Variants in TYMP observed in about 807,000 individuals in gnomAD.
The protein encoded by TYMP is gliostatin.
TYMP carries 46 observed loss-of-function variants against 42.3 expected under a neutral mutation model. The observed-to-expected ratio is 1.09, with a 90% confidence interval of 0.86 to 1.39. TYMP has a LOEUF of 1.39. TYMP is among the 40% of genes most tolerant of loss of function. TYMP has a pLI of 0.00. For synonymous variants in TYMP, 363 were observed against 308.0 expected (o/e 1.18, Z -1.87); for missense variants, 837 against 677.6 (o/e 1.24, Z -2.61).
rs776978384 is a variant in TYMP at position 50,526,239 on chromosome 22, C to G, written c.1159+7G>C. The G allele has an allele frequency of 3.9e-6, 6 of 1,533,986 alleles. No individual in the cohort carries two copies. The highest frequency in any genetic ancestry group is 5.2e-6 in the Non-Finnish European group (6 of 1,149,158). On this transcript the variant is annotated splice_region_variant and intron_variant, in intron 8 of 9. Transcript: ENST00000252029. The stretch of plus-strand genomic sequence containing the variant: ...GGCGGAAGGACGGGGACTCCCCCGA[C>G]GCTCACCATCTGCGGGCGCCAGCAG...
chr22:50,525,946 G>A (rs1313414991), intron 9 of TYMP, 28 bp from the exon 10 acceptor site: 2 of 1,421,200 alleles, frequency 1.4e-6, no homozygotes, highest in Admixed American at 3.1e-5. Flanking sequence ...GTTAGAGGCC[G>A]CGCGGCCGGA....
rs2069369455 is a variant in TYMP at position 50,526,266 on chromosome 22, T to C, written c.1139A>G (p.Glu380Gly). The C allele has an allele frequency of 6.5e-7, 1 of 1,538,860 alleles. No individual in the cohort carries two copies. The highest frequency in any genetic ancestry group is 8.7e-7 in the Non-Finnish European group (1 of 1,153,070). Reference sequence around the variant, plus strand: ...CTCACCATCTGCGGGCGCCAGCAGCTCCTCCTGCTCCCGGGCGCGAGGCAG... The same window carrying C: ...CTCACCATCTGCGGGCGCCAGCAGCCCCTCCTGCTCCCGGGCGCGAGGCAG... ...QLLPRAREQE[E>G]LLAPADGTVE... is the part of the protein sequence containing the mutation. The change falls in exon 8 of 10, where the codon GAG becomes GGG. Residue 380 changes from glutamate (E) to glycine (G), a missense_variant. Glu to Gly is a moderately conservative substitution (Grantham distance 98). Transcript: ENST00000252029.
chr22:50,526,804 A>G, intron 6 of TYMP, 66 bp from the exon 7 acceptor site: 1 of 1,494,912 alleles, frequency 6.7e-7, no homozygotes, highest in Non-Finnish European at 9.0e-7. Context: ...TCTTGGTCGA[A>G]CTCCAGCCCC....
At chr22:50,529,804 C>G in intron 1 of TYMP, 85 bp from the exon 2 acceptor site, 4 of 1,182,928 alleles carry the variant, frequency 3.4e-6, no homozygotes, top group Non-Finnish European at 4.7e-6. Context: ...ACCCCTTTCC[C>G]GTGTCTCTCC....
In TYMP at chr22:50,526,474, C is replaced by A. The variant is rs121913040; in HGVS notation, c.931G>T (p.Gly311Cys). Residue 311 changes from glycine to cysteine, a missense_variant and splice_region_variant, in exon 8 of 10, where the codon GGC becomes TGC. Transcript: ENST00000252029. ...TGTCCGCTGAGCCAGAGCAGGGCGCCCCCTGCGGGCGGGGACGGGTCTTAG... is the reference window on the plus strand; with the variant it reads ...TGTCCGCTGAGCCAGAGCAGGGCGCACCCTGCGGGCGGGGACGGGTCTTAG... Reference protein sequence around the residue: ...DLRDLVTTLGGALLWLSGHAG... With the variant: ...DLRDLVTTLGCALLWLSGHAG... The A allele has an allele frequency of 6.7e-7, 1 of 1,491,130 alleles. No individual in the cohort carries two copies. The highest frequency in any genetic ancestry group is 8.9e-7 in the Non-Finnish European group (1 of 1,128,636). 92.4% of individuals were successfully genotyped at this position (1,491,130 alleles called of 1,614,324 possible). A position where few individuals can be genotyped will look rare whatever the true frequency, so the allele number is the denominator to read the frequency against.
At position 50,526,148 on chromosome 22, in the gene TYMP, G is replaced by C. The variant is rs1277942389; in HGVS notation, c.1160-7C>G. 2 of 1,481,756 alleles carry C rather than the reference G, an allele frequency of 1.3e-6. No homozygotes were observed. The highest frequency in any genetic ancestry group is 1.8e-6 in the Non-Finnish European group (2 of 1,122,618). 91.8% of individuals were successfully genotyped at this position (1,481,756 alleles called of 1,614,324 possible). On this transcript the variant is annotated splice_region_variant and splice_polypyrimidine_tract_variant and intron_variant, in intron 8 of 9. Transcript: ENST00000252029. Reference sequence around the variant, plus strand: ...CGGACCAGCTCCACGGTGCCTGCGGGGAGAGGGGCTGAGAGGCGCGGGCTC... The same window carrying C: ...CGGACCAGCTCCACGGTGCCTGCGGCGAGAGGGGCTGAGAGGCGCGGGCTC...
chr22:50,526,014 C>G lies in TYMP; in HGVS notation c.1287G>C (p.Gln429His). The G allele has an allele frequency of 6.8e-7, 1 of 1,466,054 alleles. No individual in the cohort carries two copies. Among genetic ancestry groups the G allele is most frequent in the South Asian group, 1.3e-5 (1 of 76,620 alleles). 90.8% of individuals were successfully genotyped at this position (1,466,054 alleles called of 1,614,324 possible). A position where few individuals can be genotyped will look rare whatever the true frequency, so the allele number is the denominator to read the frequency against. ...GGCGGCGCTCACCACGGCGCAGCCT[C>G]TGACCCACGTCGACCAGCAGCTCTG... is the stretch of plus-strand genomic sequence containing the variant. ...VGAELLVDVG[Q>H]RLRRGTPWLR... Residue 429 changes from glutamine (Q) to histidine (H), a missense_variant, in exon 9 of 10, where the codon CAG becomes CAC. Gln to His is a conservative substitution (Grantham distance 24). Coordinates refer to ENST00000252029, the MANE Select transcript of TYMP (RefSeq NM_001953.5).
intron 3 of TYMP, chr22:50,528,885 G>A (rs2069487392): frequency 3.3e-6 from 2 of 615,100 alleles, no homozygotes; most frequent in African/African-American, 3.7e-5. Context: ...GGGACCCAAG[G>A]GGAAAGGGGT....
At position 50,525,827 on chromosome 22, in the gene TYMP, G is replaced by A. The variant is rs1449253792; in HGVS notation, c.1392C>T (p.Arg464=). Reference sequence around the variant, plus strand: ...AGGGCGAGGGGGCGGCGAATGGCGCGCGGTCGGAGAGTACGAGCGCCTCCT... The same window carrying A: ...AGGGCGAGGGGGCGGCGAATGGCGCACGGTCGGAGAGTACGAGCGCCTCCT... The part of the protein sequence containing the change: ...ALQEALVLSD[R]APFAAPSPFA... Residue 464 remains arginine (R), a synonymous_variant, in exon 10 of 10, where the codon CGC becomes CGT. Coordinates refer to ENST00000252029, the MANE Select transcript of TYMP (RefSeq NM_001953.5). 1 of 1,609,724 alleles carries A rather than the reference G, an allele frequency of 6.2e-7. No individual in the cohort carries two copies. The highest frequency in any genetic ancestry group is 1.3e-5 in the African/African-American group (1 of 74,834).
At chr22:50,528,086 A>G in intron 4 of TYMP, 1 of 388,938 alleles carries the variant, frequency 2.6e-6, no homozygotes, top group South Asian at 2.2e-5. Flanking sequence ...GTCCCGGCTC[A>G]CTGCAGCCTA....
rs1354599581 is a variant in TYMP, at chr22:50,527,814, G to T, written c.517-97C>A. The T allele has an allele frequency of 5.4e-5, 81 of 1,500,272 alleles. No homozygotes were observed. In the South Asian group the frequency reaches 7.6e-4, roughly 14 times the overall value. The allele number at this position is 1,500,272 out of a possible 1,614,324, so 92.9% of individuals were successfully genotyped here. On this transcript the variant is annotated intron_variant, in intron 4 of 9. Transcript: ENST00000252029. ...TTTCTGTGAAGAGTCTTCCTCTGTT[G>T]CCCAGGCTGGAGTGCAGTTGGCACA...
rs567674512 is a variant in TYMP at position 50,526,742 on chromosome 22, C to T, written c.766-4G>A. On this transcript the variant is annotated splice_polypyrimidine_tract_variant and splice_region_variant and intron_variant, in intron 6 of 9. Transcript: ENST00000252029. ...CTAGGCTGGCTCCCACGCCAACCTG[C>T]GGAGAGGAGGCTCAGCGTGGACCCC... The T allele has an allele frequency of 2.0e-6, 3 of 1,535,104 alleles. No homozygotes were observed. In the African/African-American group the frequency reaches 4.1e-5, roughly 21 times the overall value.
rs1331363227 is a variant in TYMP at position 50,526,048 on chromosome 22, C to G, written c.1253G>C (p.Gly418Ala). 4.0e-6 allele frequency: 6 copies of G among 1,482,016 alleles called. No homozygotes were observed. Among genetic ancestry groups the G allele is most frequent in the African/African-American group, 1.5e-5 (1 of 68,124 alleles). The allele number at this position is 1,482,016 out of a possible 1,614,324, so 91.8% of individuals were successfully genotyped here. A position where few individuals can be genotyped will look rare whatever the true frequency, so the allele number is the denominator to read the frequency against. Residue 418 changes from glycine (G) to alanine (A), a missense_variant, in exon 9 of 10, where the codon GGG becomes GCG. Physicochemically the swap from Gly to Ala is moderately conservative, Grantham distance 60. Coordinates refer to ENST00000252029, the MANE Select transcript of TYMP (RefSeq NM_001953.5). ...RSRAGEPLRL[G>A]VGAELLVDVG... ...GTCGACCAGCAGCTCTGCGCCCACC[C>G]CCAGGCGGAGCGGCTCCCCAGCGCG...
chr22:50,528,469 C>A (rs759196943), intron 4 of TYMP, 43 bp downstream of exon 4: 2 of 1,527,962 alleles, frequency 1.3e-6, no homozygotes, highest in Admixed American at 1.7e-5. Context: ...CCAGGGTCTC[C>A]ATCATCAACC....
intron 3 of TYMP, 177 bp downstream of exon 3, chr22:50,528,959 C>G (rs2069489365): frequency 2.7e-6 from 2 of 738,978 alleles, no homozygotes; most frequent in Non-Finnish European, 4.6e-6. Context: ...AGAGGGGCCC[C>G]AAGCGCTGTG....
At chr22:50,529,790 C>G in intron 1 of TYMP, 71 bp from the exon 2 acceptor site, 10 of 1,339,928 alleles carry the variant, frequency 7.5e-6, no homozygotes, top group African/African-American at 1.4e-5. Flanking sequence ...GTGCTCCTGT[C>G]CCGACCCCTT....
intron 4 of TYMP, 141 bp from the exon 5 acceptor site, chr22:50,527,858 C>T (rs2069453575): frequency 4.8e-6 from 5 of 1,035,178 alleles, no homozygotes; most frequent in Admixed American, 4.8e-5. Context: ...TCATTGTGAC[C>T]TCTGCCTCCT....
At chr22:50,528,135 C>T (rs1462687743) in intron 4 of TYMP, 4 of 386,342 alleles carry the variant, frequency 1.0e-5, no homozygotes, top group Admixed American at 3.7e-5. Context: ...CCTCAGCCTC[C>T]TGAGTAGCTG....
At chr22:50,528,811 G>C in intron 3 of TYMP, 1 of 633,764 alleles carries the variant, frequency 1.6e-6, no homozygotes, top group South Asian at 1.8e-5. Flanking sequence ...ACCTGTCCTT[G>C]GGGAAACAAG....
Sources: gnomAD v4.1 joint callset for allele counts on GRCh38, gnomAD v4.1.1 for gene constraint, MANE v1.5 for transcripts, NCBI Gene and HGNC (gene_info 2026-07-23, HGNC 2026-07-21) for gene names.